FAM217B: variants seen among roughly 807,000 people sequenced by gnomAD.
FAM217B encodes the protein protein FAM217B.
For synonymous variants in FAM217B, 163 were observed against 173.0 expected (o/e 0.94, Z 0.45); for missense variants, 463 against 456.9 (o/e 1.01, Z -0.12).
upstream of FAM217B, chr20:59,939,215 G>C (rs370120015): frequency 9.9e-6 from 16 of 1,610,674 alleles, no homozygotes; most frequent in Non-Finnish European, 1.1e-5. Context: ...GTACTGGAAA[G>C]CCGAAGGTGA....
At position 59,945,161 on chromosome 20, in the gene FAM217B, A is replaced by G; in HGVS notation, c.*66A>G. 4 of 1,314,118 alleles carry G rather than the reference A, an allele frequency of 3.0e-6. No homozygotes were observed. Among genetic ancestry groups the G allele is most frequent in the Non-Finnish European group, 4.1e-6 (4 of 976,684 alleles). The allele number at this position is 1,314,118 out of a possible 1,614,324, so 81.4% of individuals were successfully genotyped here. On this transcript the variant is annotated 3_prime_UTR_variant, in exon 4 of 4. Transcript: ENST00000360816. ...AATGTTAGAGCGCTTCCAAAAGTCA[A>G]AATACTGTGAATTTTAAGGAATTTT...
chr20:59,936,011 T>C (rs1026291265), upstream of FAM217B, among the ~76,000 whole-genome samples: 1 of 152,202 alleles, frequency 6.6e-6, no homozygotes. Flanking sequence ...AATTTTGTTA[T>C]TGTGTGAATA....
At chr20:59,934,442 C>G (rs538479283) in intron 1 of FAM217B, among the ~76,000 whole-genome samples, 2 of 152,132 alleles carry the variant, frequency 1.3e-5, no homozygotes, top group South Asian at 4.1e-4. Flanking sequence ...CAGTCTTCTG[C>G]GTGTTTTCCC....
upstream of FAM217B, chr20:59,939,526 CG>C (rs2060885198): frequency 3.7e-6 from 6 of 1,611,806 alleles, no homozygotes; most frequent in African/African-American, 8.0e-5. Context: ...GAGTTGATTG[CG>C]AGCCGCGACA....
chr20:59,940,352 T>G, upstream of FAM217B: 1 of 154,638 alleles, frequency 6.5e-6, no homozygotes, highest in Non-Finnish European at 1.5e-5. Context: ...GCCCCGCCCC[T>G]CGTGACGCCG....
chr20:59,935,299 G>A (rs2060854067), intron 1 of FAM217B, among the ~76,000 whole-genome samples: 1 of 152,124 alleles, frequency 6.6e-6, no homozygotes, highest in South Asian at 2.1e-4. Context: ...CTTTTTAGTT[G>A]AAGAAAAATG....
At chr20:59,936,963 C>G (rs1332715585), upstream of FAM217B, 5 of 152,764 alleles carry the variant, frequency 3.3e-5, no homozygotes, top group East Asian at 9.6e-4. Flanking sequence ...AGTAATATAA[C>G]TGTTTTAGGG....
chr20:59,934,189 C>T (rs1411173882), intron 1 of FAM217B, among the ~76,000 whole-genome samples: 1 of 152,154 alleles, frequency 6.6e-6, no homozygotes, highest in African/African-American at 2.4e-5. Context: ...CGCAGGGCCG[C>T]CTGGGCTCCT....
At chr20:59,934,818 C>T (rs1345467204) in intron 1 of FAM217B, among the ~76,000 whole-genome samples, 1 of 152,066 alleles carries the variant, frequency 6.6e-6, no homozygotes, top group Non-Finnish European at 1.5e-5. Context: ...AAAAAATAAA[C>T]ACAAGGTAAT....
intron 1 of FAM217B, among the ~76,000 whole-genome samples, chr20:59,934,412 G>A (rs1284947363): frequency 1.3e-5 from 2 of 152,244 alleles, no homozygotes; most frequent in African/African-American, 2.4e-5. Context: ...GGCTCGCAGA[G>A]GGCGTCGGTG....
chr20:59,939,794 G>A, upstream of FAM217B: 1 of 1,228,682 alleles, frequency 8.1e-7, no homozygotes, highest in Non-Finnish European at 1.0e-6. Context: ...CGCGGCCCGG[G>A]CTCCCAGGGG....
At chr20:59,943,670 T>C (rs955695705) in intron 3 of FAM217B, among the ~76,000 whole-genome samples, 2 of 152,206 alleles carry the variant, frequency 1.3e-5, no homozygotes, top group African/African-American at 4.8e-5. Flanking sequence ...TTAATGTTTT[T>C]CCTAAATGCT....
chr20:59,935,091 A>G (rs2060851304), intron 1 of FAM217B, among the ~76,000 whole-genome samples: 1 of 152,208 alleles, frequency 6.6e-6, no homozygotes, highest in Non-Finnish European at 1.5e-5. Context: ...TTATACGTTT[A>G]AGTACTAATA....
intron 3 of FAM217B, among the ~76,000 whole-genome samples, 173 bp from the exon 4 acceptor site, chr20:59,943,767 A>T (rs1004921354): frequency 1.3e-5 from 2 of 152,208 alleles, no homozygotes; most frequent in African/African-American, 2.4e-5. Context: ...ATATGGGAAA[A>T]TGTTCTGTAA....
chr20:59,938,277 G>A (rs1269120388), upstream of FAM217B: 1 of 152,262 alleles, frequency 6.6e-6, no homozygotes. Flanking sequence ...TGAATGCAGA[G>A]AAATAACTGT....
chr20:59,944,663 G>T lies in FAM217B; in HGVS notation c.720G>T (p.Gly240=), dbSNP rs1235204565. 1 of 1,614,032 alleles carries T rather than the reference G, an allele frequency of 6.2e-7. No individual in the cohort carries two copies. Among genetic ancestry groups the T allele is most frequent in the Admixed American group, 1.7e-5 (1 of 60,000 alleles). Residue 240 remains glycine (G), a synonymous_variant, in exon 4 of 4, where the codon GGG becomes GGT. Coordinates refer to ENST00000360816, the MANE Select transcript of FAM217B (RefSeq NM_022106.3). The stretch of plus-strand genomic sequence containing the variant: ...CCAAGCCACTACCTCACCAGGAAGG[G>T]GCTTCAAAGTCAGGCCCTTCCCGAA... The part of the protein sequence containing the change: ...ALSKPLPHQE[G]ASKSGPSRKK...
intron 1 of FAM217B, among the ~76,000 whole-genome samples, chr20:59,935,215 G>T (rs1226623181): frequency 1.3e-5 from 2 of 152,138 alleles, no homozygotes; most frequent in Non-Finnish European, 2.9e-5. Context: ...GATCCTTCAT[G>T]GTGGAGTTGC....
In FAM217B at chr20:59,944,425, T is replaced by C. The variant is rs1297447821; in HGVS notation, c.482T>C (p.Leu161Pro). The C allele has an allele frequency of 6.2e-7, 1 of 1,614,050 alleles. No individual in the cohort carries two copies. The highest frequency in any genetic ancestry group is 8.5e-7 in the Non-Finnish European group (1 of 1,179,988). ...TGGGACCTACGAGATATGGCCCTGCTTCTGAACGCAGAGAACAAAACGGAA... is the reference window on the plus strand; with the variant it reads ...TGGGACCTACGAGATATGGCCCTGCCTCTGAACGCAGAGAACAAAACGGAA... Reference protein sequence around the residue: ...SSWDLRDMALLLNAENKTEAV... With the variant: ...SSWDLRDMALPLNAENKTEAV... Residue 161 changes from leucine to proline, a missense_variant, in exon 4 of 4, where the codon CTT becomes CCT. Physicochemically the swap from Leu to Pro is moderately conservative, Grantham distance 98 (BLOSUM62 -3). Transcript: ENST00000360816.
chr20:59,937,619 A>G (rs2145944723), upstream of FAM217B: 1 of 152,056 alleles, frequency 6.6e-6, no homozygotes, highest in East Asian at 1.9e-4. Context: ...GACTGGTTTC[A>G]GCTGTATCAT....
Sources: gnomAD v4.1 joint callset for allele counts (sites outside exome capture counted in the v4.1 genomes callset) on GRCh38, gnomAD v4.1.1 for gene constraint, MANE v1.5 for transcripts, NCBI Gene and HGNC (gene_info 2026-07-23, HGNC 2026-07-21) for gene names.